Variants in SP2 observed in about 807,000 individuals in gnomAD.
The protein encoded by SP2 is transcription factor Sp2.
Under a neutral mutation model 50.1 loss-of-function variants are expected in SP2, and 9 were observed. The observed-to-expected ratio is 0.18, with a 90% CI of 0.11 to 0.31. The LOEUF (loss-of-function observed/expected upper bound fraction) is 0.31. Ranked by LOEUF, SP2 falls within the 10% of genes least tolerant of loss-of-function variation. The pLI, the probability that SP2 is intolerant of heterozygous loss-of-function variation, is 1.00. For synonymous variants in SP2, 313 were observed against 326.6 expected (o/e 0.96, Z 0.45); for missense variants, 581 against 806.5 (o/e 0.72, Z 3.39).
At chr17:47,896,434 GC>G (rs1249330591) in intron 1 of SP2, 141 bp downstream of exon 1, 2 of 643,012 alleles carry the variant, frequency 3.1e-6, no homozygotes, top group Admixed American at 4.4e-5. Flanking sequence ...TTCAGGAGGG[GC>G]GGGGGAGGGA....
At chr17:47,925,315 T>C in intron 5 of SP2, 33 bp from the exon 6 acceptor site, 1 of 1,586,148 alleles carries the variant, frequency 6.3e-7, no homozygotes, top group South Asian at 1.1e-5. Context: ...CCTCTTCCTA[T>C]TCCCTCCACT....
intron 1 of SP2, chr17:47,909,635 A>G (rs2034902061): frequency 9.1e-6 from 8 of 878,128 alleles, no homozygotes; most frequent in African/African-American, 1.8e-5. Flanking sequence ...CAGAAATCCT[A>G]GAAGGATGAC....
chr17:47,918,917 TAGC>T (rs1191398288), intron 3 of SP2, among the ~76,000 whole-genome samples: 2 of 152,174 alleles, frequency 1.3e-5, no homozygotes, highest in Admixed American at 6.6e-5. Flanking sequence ...CACAGTTAAG[TAGC>T]AGAGACAATA....
At chr17:47,904,442 G>A (rs1354549850) in intron 1 of SP2, among the ~76,000 whole-genome samples, 1 of 152,092 alleles carries the variant, frequency 6.6e-6, no homozygotes, top group African/African-American at 2.4e-5. Flanking sequence ...CTCCTGCAAG[G>A]AGTTTTGCTT....
intron 1 of SP2, among the ~76,000 whole-genome samples, chr17:47,905,107 C>T (rs16949270): frequency 0.078 from 11,921 of 152,288 alleles, 574 homozygotes; most frequent in East Asian, 0.22. Flanking sequence ...GTTTGCCTCT[C>T]ATTGAAATAT....
intron 3 of SP2, 126 bp downstream of exon 3, chr17:47,917,256 G>T: frequency 1.1e-6 from 1 of 940,450 alleles, no homozygotes; most frequent in African/African-American, 1.6e-5. Flanking sequence ...TTTGGGGTGG[G>T]CAGTAAGTGG....
intron 3 of SP2, chr17:47,918,389 G>T (rs947625652): frequency 5.9e-5 from 9 of 151,958 alleles, no homozygotes; most frequent in African/African-American, 2.2e-4. Flanking sequence ...ATTTTATGTT[G>T]CCAGGTGATT....
At chr17:47,901,336 G>T (rs1389083180) in intron 1 of SP2, among the ~76,000 whole-genome samples, 1 of 152,078 alleles carries the variant, frequency 6.6e-6, no homozygotes, top group East Asian at 1.9e-4. Context: ...TAGAAGAGAC[G>T]GGGTTTCACT....
chr17:47,920,003 A>AT (rs1211259127), intron 3 of SP2, among the ~76,000 whole-genome samples: 9 of 150,150 alleles, frequency 6.0e-5, no homozygotes, highest in African/African-American at 1.5e-4. Context: ...CGCCCGGCTA[A>AT]TTTTTTTTGT....
At position 47,916,988 on chromosome 17, in the gene SP2, C is replaced by G. The variant is rs764754740; in HGVS notation, c.917C>G (p.Pro306Arg). The G allele has an allele frequency of 2.5e-6, 4 of 1,614,154 alleles. No homozygotes were observed. The highest frequency in any genetic ancestry group is 2.2e-5 in the South Asian group (2 of 91,084). The change falls in exon 3 of 7, where the codon CCC becomes CGC. Residue 306 changes from proline to arginine, a missense_variant. By Grantham distance (103) the Pro-to-Arg change is moderately radical (BLOSUM62 -2). This residue lies in a region of SP2 where 397 missense variants were observed against 491.0 expected (regional missense o/e 0.81). Transcript: ENST00000376741. This position sits in a 1 kb window ranked among gnomAD's most constrained non-coding sequence, Gnocchi z 4.7. The stretch of plus-strand genomic sequence containing the variant: ...GTCCAGCAGGTCCAGGTGGTGCCCC[C>G]CAAGGCCGAGCAGCAGCAGGTGGTA... ...AVVQQVQVVP[P>R]KAEQQQVVQI...
downstream of SP2, among the ~76,000 whole-genome samples, chr17:47,930,518 C>T (rs190138055): frequency 2.0e-5 from 3 of 152,342 alleles, no homozygotes; most frequent in East Asian, 3.9e-4. Flanking sequence ...GTCTGATCAT[C>T]TCTGCCTCCC....
At position 47,923,156 on chromosome 17, in the gene SP2, C is replaced by G; in HGVS notation, c.1254C>G (p.Ala418=). ...GTCCCCTGCCAAAGATTGCCCCAGC[C>G]GGGAGCATCATCAGCCTGAATGCAG... is the stretch of plus-strand genomic sequence containing the variant. The part of the protein sequence containing the change: ...KERPLPKIAP[A]GSIISLNAAQ... Residue 418 remains alanine, a synonymous_variant, in exon 4 of 7, where the codon GCC becomes GCG. Transcript: ENST00000376741. 6.2e-7 allele frequency: 1 copy of G among 1,614,228 alleles called. No homozygotes were observed. Among genetic ancestry groups the G allele is most frequent in the Non-Finnish European group, 8.5e-7 (1 of 1,180,042 alleles).
intron 3 of SP2, among the ~76,000 whole-genome samples, chr17:47,921,453 A>C (rs1050401830): frequency 1.1e-4 from 17 of 152,020 alleles, no homozygotes; most frequent in Non-Finnish European, 2.1e-4. Flanking sequence ...GGTTTCACCA[A>C]GTTGACCAAG....
chr17:47,914,232 A>T (rs1215829663), intron 1 of SP2, among the ~76,000 whole-genome samples: 2 of 152,164 alleles, frequency 1.3e-5, no homozygotes, highest in Non-Finnish European at 2.9e-5. Flanking sequence ...TTAGCTGGGC[A>T]TGGTGGTACA....
At chr17:47,922,863 G>A in intron 3 of SP2, 99 bp from the exon 4 acceptor site, 1 of 1,031,538 alleles carries the variant, frequency 9.7e-7, no homozygotes, top group Non-Finnish European at 1.4e-6. Context: ...GACTTTTAGT[G>A]GACAGGCGCC....
chr17:47,918,679 C>G (rs942955356), intron 3 of SP2: 1 of 152,136 alleles, frequency 6.6e-6, no homozygotes, highest in Non-Finnish European at 1.5e-5. Flanking sequence ...ACAACTGATA[C>G]CTTGTTAACT....
intron 3 of SP2, among the ~76,000 whole-genome samples, chr17:47,920,561 C>G (rs1344720070): frequency 6.6e-6 from 1 of 152,182 alleles, no homozygotes; most frequent in Non-Finnish European, 1.5e-5. Flanking sequence ...GCTGGGATTA[C>G]AGGCATGAGC....
rs1488350334 is a variant in SP2, at chr17:47,925,483, C to T, written c.1683C>T (p.Phe561=). 5 of 1,614,126 alleles carry T rather than the reference C, an allele frequency of 3.1e-6. No homozygotes were observed. In the African/African-American group the frequency reaches 5.3e-5, roughly 17 times the overall value. Residue 561 remains phenylalanine, a synonymous_variant, in exon 6 of 7, where the codon TTC becomes TTT. Transcript: ENST00000376741. ...GERPFVCNWF[F]CGKRFTRSDE... Reference sequence around the variant, plus strand: ...GGCCCTTTGTCTGCAACTGGTTCTTCTGTGGGAAGAGGTTCACACGGAGTG... The same window carrying T: ...GGCCCTTTGTCTGCAACTGGTTCTTTTGTGGGAAGAGGTTCACACGGAGTG...
chr17:47,905,819 CTGAG>C (rs909034803), intron 1 of SP2, among the ~76,000 whole-genome samples: 3 of 152,160 alleles, frequency 2.0e-5, no homozygotes, highest in African/African-American at 7.2e-5. Flanking sequence ...AAGGCTTTCG[CTGAG>C]TGAGAGTATA....
Sources: allele counts gnomAD v4.1 joint callset (sites outside exome capture counted in the v4.1 genomes callset), GRCh38; gene constraint gnomAD v4.1.1; regional missense constraint gnomAD v4.1.1; non-coding constraint Gnocchi (gnomAD v3.1); transcripts MANE v1.5; gene names NCBI Gene and HGNC (gene_info 2026-07-23, HGNC 2026-07-21).